Variants in FTCD observed in about 807,000 individuals in gnomAD.
FTCD encodes the protein formimidoyltransferase-cyclodeaminase.
Under a neutral mutation model 62.9 loss-of-function variants are expected in FTCD, and 76 were observed. That is an observed-to-expected ratio of 1.21 (90% confidence interval 1.00 to 1.46). The LOEUF is 1.46. Among genes scored for constraint, FTCD ranks in the 40% most tolerant of loss-of-function variants. The pLI, the probability that FTCD is intolerant of heterozygous loss-of-function variation, is 0.00. For synonymous variants in FTCD, 397 were observed against 336.9 expected, an observed-to-expected ratio of 1.18 and a Z score of -1.95; for missense variants, 845 against 751.3, an observed-to-expected ratio of 1.12 and a Z score of -1.46.
At position 46,153,017 on chromosome 21, in the gene FTCD, C is replaced by T. The variant is rs1201747533; in HGVS notation, c.257G>A (p.Gly86Glu). 2.6e-6 allele frequency: 4 copies of T among 1,549,520 alleles called. No individual in the cohort carries two copies. Among genetic ancestry groups the T allele is most frequent in the Admixed American group, 2.0e-5 (1 of 51,014 alleles). Residue 86 changes from glycine to glutamate, a missense_variant, in exon 3 of 14, where the codon GGG (glycine) becomes GAG (glutamate). Coordinates refer to ENST00000397746, the MANE Select transcript of FTCD (RefSeq NM_206965.2). The part of the protein sequence containing the change: ...SRHQGEHPRM[G>E]ALDVCPFIPV... The stretch of plus-strand genomic sequence containing the variant: ...GATGAAGGGGCAGACGTCTAGGGCC[C>T]CCATGCGGGGGTGCTCTCCTGCAGA...
intron 9 of FTCD, 68 bp downstream of exon 9, chr21:46,145,750 A>C: frequency 4.5e-6 from 1 of 220,284 alleles, no homozygotes; most frequent in South Asian, 7.1e-5. Flanking sequence ...TCCCCCCAAC[A>C]GCGCCCTTCC....
intron 12 of FTCD, among the ~76,000 whole-genome samples, chr21:46,138,063 G>GT (rs1412729134): frequency 6.6e-6 from 1 of 152,134 alleles, no homozygotes; most frequent in East Asian, 1.9e-4. Flanking sequence ...TGGCTCATAT[G>GT]TATCTATTGT....
chr21:46,137,420 A>T, intron 12 of FTCD, 86 bp from the exon 13 acceptor site: 1 of 1,058,896 alleles, frequency 9.4e-7, no homozygotes, highest in South Asian at 1.3e-5. Flanking sequence ...GCTCTGGGAC[A>T]GGCCGGACTT....
intron 3 of FTCD, 117 bp downstream of exon 3, chr21:46,152,790 G>T: frequency 3.4e-6 from 3 of 870,092 alleles, no homozygotes; most frequent in Non-Finnish European, 3.4e-6. Context: ...TGGCTTTTTG[G>T]AACACTCTGC....
chr21:46,147,619 C>CA (rs2079177044), intron 7 of FTCD, among the ~76,000 whole-genome samples: 1 of 152,110 alleles, frequency 6.6e-6, no homozygotes, highest in South Asian at 2.1e-4. Context: ...GTGCAGGCCG[C>CA]AGGCATGGGG....
At chr21:46,151,046 AC>A (rs1227454891) in intron 5 of FTCD, among the ~76,000 whole-genome samples, 2 of 152,090 alleles carry the variant, frequency 1.3e-5, no homozygotes, top group Non-Finnish European at 2.9e-5. Context: ...TGTTTGTGGG[AC>A]CGGGGTCTCT....
rs569547692 is a variant in FTCD, at chr21:46,147,107, T to C, written c.907-780A>G. ...TGCCAGCCTGGAGCTGGGTCTGCCC[T>C]GGGGGCAACTGCCCCTCTCTGGCAG... is the stretch of plus-strand genomic sequence containing the variant. On this transcript the variant is annotated intron_variant, in intron 7 of 13. Coordinates refer to ENST00000397746, the MANE Select transcript of FTCD (RefSeq NM_206965.2). 3.3e-5 allele frequency among the ~76,000 whole-genome samples: 5 copies of C among 152,322 alleles called. No individual in the cohort carries two copies. The South Asian group carries it at 1.0e-3, about 32-fold the overall frequency.
intron 1 of FTCD, 51 bp from the exon 2 acceptor site, chr21:46,154,383 G>A: frequency 1.9e-6 from 3 of 1,569,548 alleles, no homozygotes; most frequent in South Asian, 2.3e-5. Flanking sequence ...TTGAAAGAAG[G>A]AAAAGGAGCT....
At chr21:46,138,427 A>AC in intron 12 of FTCD, 81 bp downstream of exon 12, 1 of 1,395,112 alleles carries the variant, frequency 7.2e-7, no homozygotes, top group Non-Finnish European at 9.8e-7. Flanking sequence ...CCAGCCAACC[A>AC]CCGTGCTCTC....
At chr21:46,149,996 A>G in intron 7 of FTCD, 123 bp downstream of exon 7, 1 of 953,706 alleles carries the variant, frequency 1.0e-6, no homozygotes. Flanking sequence ...TCTGAACACA[A>G]GTCAATAAAA....
At chr21:46,145,324 C>G (rs2079113647) in intron 10 of FTCD, 93 bp downstream of exon 10, 4 of 1,102,580 alleles carry the variant, frequency 3.6e-6, no homozygotes, top group Non-Finnish European at 3.9e-6. Context: ...CCAGCCCCTC[C>G]CCAGCCGGAG....
At position 46,154,347 on chromosome 21, in the gene FTCD, C is replaced by A. The variant is rs530830646; in HGVS notation, c.55-15G>T. 3.1e-6 allele frequency: 5 copies of A among 1,605,166 alleles called. No individual in the cohort carries two copies. The South Asian group carries it at 5.5e-5, about 18-fold the overall frequency. Reference sequence around the variant, plus strand: ...GCGTCGATCACCTGGGACACAGGCCCGGCCCCCACACCTCAGTCTCCCCGT... The same window carrying A: ...GCGTCGATCACCTGGGACACAGGCCAGGCCCCCACACCTCAGTCTCCCCGT... On this transcript the variant is annotated splice_polypyrimidine_tract_variant and intron_variant, in intron 1 of 13. Transcript: ENST00000397746.
intron 12 of FTCD, 52 bp downstream of exon 12, chr21:46,138,456 A>T: frequency 6.5e-7 from 1 of 1,534,932 alleles, no homozygotes; most frequent in Non-Finnish European, 8.8e-7. Flanking sequence ...CAGCCCCAAC[A>T]GCTGCTTCCT....
intron 1 of FTCD, among the ~76,000 whole-genome samples, chr21:46,154,780 C>T (rs980392994): frequency 6.6e-6 from 1 of 152,260 alleles, no homozygotes; most frequent in Non-Finnish European, 1.5e-5. Context: ...AGCAGGGGCT[C>T]AGCCCCAAAT....
Position 46,138,313 on chromosome 21 carries a change from G to A in FTCD, c.1443+195C>T, listed in dbSNP as rs755947315. 1.1e-4 allele frequency among the ~76,000 whole-genome samples: 17 copies of A among 152,328 alleles called. No individual in the cohort carries two copies. The East Asian group carries it at 1.2e-3, about 10-fold the overall frequency. On this transcript the variant is annotated intron_variant, in intron 12 of 13. Coordinates refer to ENST00000397746, the MANE Select transcript of FTCD (RefSeq NM_206965.2). ...CATTTGGGTCTCCGTCTGTGGTGCC[G>A]CCGTGAGCGAGATCTTAGAAGGCAG...
At chr21:46,152,556 G>A (rs566493264) in intron 3 of FTCD, 88 of 232,554 alleles carry the variant, frequency 3.8e-4, no homozygotes, top group Admixed American at 2.1e-3. Flanking sequence ...GCCTAGGGGT[G>A]GGTATGCACT....
At chr21:46,150,792 A>G (rs1372558418) in intron 5 of FTCD, among the ~76,000 whole-genome samples, 1 of 152,194 alleles carries the variant, frequency 6.6e-6, no homozygotes, top group Non-Finnish European at 1.5e-5. Context: ...CCTTCCAGCC[A>G]CGCTGTGTCC....
chr21:46,141,562 A>G (rs941627233), intron 10 of FTCD, among the ~76,000 whole-genome samples: 1 of 152,160 alleles, frequency 6.6e-6, no homozygotes, highest in African/African-American at 2.4e-5. Context: ...AGGCCATTTG[A>G]ACTGTGATAC....
chr21:46,136,540 C>T (rs781279191), downstream of FTCD: 8 of 1,606,354 alleles, frequency 5.0e-6, no homozygotes, highest in East Asian at 1.6e-4. Flanking sequence ...AGACAAGGGG[C>T]CTCACAGCCC....
Sources: allele counts gnomAD v4.1 joint callset (sites outside exome capture counted in the v4.1 genomes callset), GRCh38; gene constraint gnomAD v4.1.1; transcripts MANE v1.5; gene names NCBI Gene and HGNC (gene_info 2026-07-23, HGNC 2026-07-21).